The following PPP4R3B variants were observed in gnomAD, a reference collection of about 807,000 sequenced individuals.
PPP4R3B encodes the protein protein phosphatase 4 regulatory subunit 3B, also known as serine/threonine-protein phosphatase 4 regulatory subunit 3B.
Under a neutral mutation model 95.4 loss-of-function variants are expected in PPP4R3B, and 52 were observed. That is an observed-to-expected ratio of 0.54 (90% CI 0.44 to 0.69). PPP4R3B has a LOEUF of 0.69. Among genes scored for constraint, PPP4R3B ranks in the 30% least tolerant of loss-of-function variants. The pLI is 0.00. For missense variants in PPP4R3B, 1,003 were observed against 1,005.9 expected (o/e 1.00, Z 0.04); for synonymous variants, 407 against 343.9 (o/e 1.18, Z -2.03).
intron 11 of PPP4R3B, among the ~76,000 whole-genome samples, chr2:55,574,517 T>C (rs942044122): frequency 1.3e-5 from 2 of 152,104 alleles, no homozygotes; most frequent in African/African-American, 4.8e-5. Flanking sequence ...AGAAAAATTA[T>C]ACGCTTTTAG....
intron 7 of PPP4R3B, 22 bp from the exon 8 acceptor site, chr2:55,581,720 A>G (rs780708713): frequency 6.2e-7 from 1 of 1,606,924 alleles, no homozygotes; most frequent in African/African-American, 1.3e-5. Flanking sequence ...ACAAAACAAA[A>G]CAAAACATGT....
At chr2:55,553,415 ACTCT>A (rs750203987) in intron 16 of PPP4R3B, among the ~76,000 whole-genome samples, 5 of 152,048 alleles carry the variant, frequency 3.3e-5, no homozygotes, top group Admixed American at 6.6e-5. Flanking sequence ...GCAGGGCACT[ACTCT>A]CTAAGTCCAT....
chr2:55,584,111 A>G (rs1393270602), intron 7 of PPP4R3B, among the ~76,000 whole-genome samples: 1 of 152,108 alleles, frequency 6.6e-6, no homozygotes, highest in Non-Finnish European at 1.5e-5. Context: ...GCGCCATTGC[A>G]CTCCAGCCTG....
At chr2:55,552,981 A>G (rs72803530) in intron 16 of PPP4R3B, among the ~76,000 whole-genome samples, 5,534 of 152,294 alleles carry the variant, frequency 0.036, 144 homozygotes, top group South Asian at 0.089. Context: ...GAAAGCAGGG[A>G]AAACAGTTTA....
chr2:55,566,832 C>A (rs370457503), intron 13 of PPP4R3B, among the ~76,000 whole-genome samples: 37 of 152,160 alleles, frequency 2.4e-4, no homozygotes, highest in African/African-American at 8.4e-4. Context: ...CAAAGGGAGA[C>A]CCCATACATA....
Position 55,582,136 on chromosome 2 carries a change from CAAAAAGAAA to C in PPP4R3B, c.1234-447_1234-439del, listed in dbSNP as rs945418885. On this transcript the variant is annotated intron_variant, in intron 7 of 16. Transcript: ENST00000616407. ...CCTCTAACTAGTAAATCCTTCCTAACAAAAAGAAAAAAAAGAAAAAATGACCAAAAATAA... is the reference window on the plus strand; with the variant it reads ...CCTCTAACTAGTAAATCCTTCCTAACAAAAAGAAAAAATGACCAAAAATAA... Among the ~76,000 whole-genome samples the C allele has an allele frequency of 8.6e-5, 13 of 151,598 alleles. 1 individual carries two copies. Among genetic ancestry groups the C allele is most frequent in the Admixed American group, 7.2e-4 (11 of 15,216 alleles).
In PPP4R3B at chr2:55,598,880, G is replaced by A; in HGVS notation, c.457C>T (p.Leu153Phe). The change falls in exon 4 of 17, where the codon CTC becomes TTC. Residue 153 changes from leucine to phenylalanine, a missense_variant. Leu to Phe is a conservative substitution (Grantham distance 22). Transcript: ENST00000616407. Reference protein sequence around the residue: ...EEIADLVTSVLSSPIRREKLA... With the variant: ...EEIADLVTSVFSSPIRREKLA... Reference sequence around the variant, plus strand: ...TTTTCCCTACGGATAGGTGAGGAGAGCACTGAGGTAACTAAGTCAGCAATC... The same window carrying A: ...TTTTCCCTACGGATAGGTGAGGAGAACACTGAGGTAACTAAGTCAGCAATC... The A allele has an allele frequency of 1.2e-6, 2 of 1,614,196 alleles. No individual in the cohort carries two copies. Among genetic ancestry groups the A allele is most frequent in the Non-Finnish European group, 1.7e-6 (2 of 1,180,020 alleles).
intron 15 of PPP4R3B, among the ~76,000 whole-genome samples, chr2:55,562,325 G>A (rs374859232): frequency 2.7e-4 from 41 of 152,268 alleles, no homozygotes; most frequent in African/African-American, 8.4e-4. Flanking sequence ...GAGAGGCTGA[G>A]GCAGGAGAAT....
At position 55,600,287 on chromosome 2, in the gene PPP4R3B, G is replaced by A. The variant is rs577276692; in HGVS notation, c.298-1248C>T. Among the ~76,000 whole-genome samples, 47 of 152,138 alleles carry A rather than the reference G, an allele frequency of 3.1e-4. 1 individual carries two copies. The highest frequency in any genetic ancestry group is 9.6e-4 in the African/African-American group (40 of 41,520). On this transcript the variant is annotated intron_variant, in intron 3 of 16. Transcript: ENST00000616407. ...ACTAAAAGCACAAAATTAGCTGGGCGTGGTGGCGCATGCCTGTAGTCCCAG... is the reference window on the plus strand; with the variant it reads ...ACTAAAAGCACAAAATTAGCTGGGCATGGTGGCGCATGCCTGTAGTCCCAG...
chr2:55,558,838 T>C lies in PPP4R3B; in HGVS notation c.2391A>G (p.Pro797=), dbSNP rs1686196850. 1.2e-6 allele frequency: 2 copies of C among 1,613,768 alleles called. No individual in the cohort carries two copies. Among genetic ancestry groups the C allele is most frequent in the Non-Finnish European group, 8.5e-7 (1 of 1,179,768 alleles). ...TGGAAGAGGATCCATTAGAAGTTGC[T>C]GGTGGTATCTGAGCCACTACAGATT... ...NSKSVVAQIP[P]ATSNGSSSKT... The change falls in exon 16 of 17, where the codon CCA becomes CCG. Residue 797 remains proline, a synonymous_variant. Coordinates refer to ENST00000616407, the MANE Select transcript of PPP4R3B (RefSeq NM_001122964.3).
At chr2:55,589,968 T>TA (rs1690752556) in intron 4 of PPP4R3B, among the ~76,000 whole-genome samples, 8 of 142,058 alleles carry the variant, frequency 5.6e-5, no homozygotes, top group South Asian at 4.3e-4. Context: ...TATATATATA[T>TA]TTATATATAT....
At chr2:55,576,464 C>T (rs561335100) in intron 11 of PPP4R3B, among the ~76,000 whole-genome samples, 12 of 151,584 alleles carry the variant, frequency 7.9e-5, no homozygotes, top group Non-Finnish European at 1.2e-4. Flanking sequence ...AAAAACAGGC[C>T]GGGCGCGGTG....
intron 7 of PPP4R3B, among the ~76,000 whole-genome samples, chr2:55,583,542 T>C (rs192029052): frequency 4.4e-4 from 67 of 152,338 alleles, no homozygotes; most frequent in Middle Eastern, 6.8e-3. Context: ...CTGAGATTGA[T>C]TCATGGTCAT....
intron 9 of PPP4R3B, among the ~76,000 whole-genome samples, chr2:55,579,167 G>C (rs1013437661): frequency 2.0e-5 from 3 of 151,916 alleles, no homozygotes; most frequent in Non-Finnish European, 4.4e-5. Flanking sequence ...TGAATTACGG[G>C]TGCCGATTAC....
intron 7 of PPP4R3B, among the ~76,000 whole-genome samples, chr2:55,584,613 C>T (rs1689889625): frequency 6.6e-6 from 1 of 152,106 alleles, no homozygotes; most frequent in Admixed American, 6.5e-5. Flanking sequence ...TTTTCTATTC[C>T]TGAGTTACTG....
intron 16 of PPP4R3B, among the ~76,000 whole-genome samples, chr2:55,553,388 A>G (rs1347422534): frequency 6.6e-6 from 1 of 152,136 alleles, no homozygotes; most frequent in East Asian, 1.9e-4. Flanking sequence ...ACAAACAACT[A>G]ACACCTCCCG....
chr2:55,598,687 T>G lies in PPP4R3B; in HGVS notation c.650A>C (p.Glu217Ala). ...GCATCCCACGACATCCATGATACAC[T>G]CATCAGAAAACATTACCTCAAAAAG... is the stretch of plus-strand genomic sequence containing the variant. ...ATLFEVMFSD[E>A]CIMDVVGCLE... The change falls in exon 4 of 17, where the codon GAG becomes GCG. Residue 217 changes from glutamate (E) to alanine (A), a missense_variant. Coordinates refer to ENST00000616407, the MANE Select transcript of PPP4R3B (RefSeq NM_001122964.3). The G allele has an allele frequency of 6.2e-7, 1 of 1,614,206 alleles. No homozygotes were observed. Among genetic ancestry groups the G allele is most frequent in the Non-Finnish European group, 8.5e-7 (1 of 1,180,038 alleles).
chr2:55,612,492 A>C (rs1694301890), intron 2 of PPP4R3B, among the ~76,000 whole-genome samples: 1 of 151,968 alleles, frequency 6.6e-6, no homozygotes, highest in Non-Finnish European at 1.5e-5. Context: ...GCTGAAGCAA[A>C]AGGATCACTT....
At position 55,579,709 on chromosome 2, in the gene PPP4R3B, T is replaced by C. The variant is rs1248608315; in HGVS notation, c.1438A>G (p.Thr480Ala). ...CMHVLTAPLL[T>A]NTSEDKCEKD... ...TCACATTTGTCTTCTGAAGTATTGG[T>C]CAAAAGTGGTGCTGTGAGAACATGC... Residue 480 changes from threonine (T) to alanine (A), a missense_variant, in exon 9 of 17, where the codon ACC becomes GCC. Physicochemically the swap from Thr to Ala is moderately conservative, Grantham distance 58 (BLOSUM62 0). This residue lies in a region of PPP4R3B where 695 missense variants were observed against 686.2 expected (regional missense o/e 1.01). Transcript: ENST00000616407. 3 of 1,607,388 alleles carry C rather than the reference T, an allele frequency of 1.9e-6. No homozygotes were observed. The Admixed American group carries it at 5.1e-5, about 27-fold the overall frequency.
Sources: gnomAD v4.1 joint callset for allele counts (sites outside exome capture counted in the v4.1 genomes callset) on GRCh38, gnomAD v4.1.1 for gene constraint, gnomAD v4.1.1 regional missense constraint, MANE v1.5 for transcripts, NCBI Gene and HGNC (gene_info 2026-07-23, HGNC 2026-07-21) for gene names.